Variants in CRYBG1 observed in about 807,000 individuals in gnomAD.
CRYBG1 encodes the protein beta/gamma crystallin domain-containing protein 1.
CRYBG1 carries 139 observed loss-of-function variants against 189.2 expected under a neutral mutation model. That is an observed-to-expected ratio of 0.73 (90% confidence interval 0.64 to 0.85). CRYBG1 has a LOEUF of 0.85. CRYBG1 is among the 40% of genes least tolerant of loss of function. The pLI, the probability that CRYBG1 is intolerant of heterozygous loss-of-function variation, is 0.00. For synonymous variants in CRYBG1, 1,023 were observed against 1,017.1 expected (o/e 1.01, Z -0.11); for missense variants, 2,611 against 2,675.8 (o/e 0.98, Z 0.53).
chr6:106,425,246 C>T (rs905953091), intron 1 of CRYBG1, among the ~76,000 whole-genome samples: 1 of 152,118 alleles, frequency 6.6e-6, no homozygotes, highest in Non-Finnish European at 1.5e-5. Context: ...CTGAGCCACC[C>T]TCTCTCCTTC....
chr6:106,541,767 A>T, intron 10 of CRYBG1, 146 bp downstream of exon 10: 1 of 658,912 alleles, frequency 1.5e-6, no homozygotes. Context: ...GTCACACATA[A>T]ATGCAGCCAA....
At chr6:106,553,955 G>C (rs966039086) in intron 16 of CRYBG1, among the ~76,000 whole-genome samples, 1 of 152,158 alleles carries the variant, frequency 6.6e-6, no homozygotes, top group African/African-American at 2.4e-5. Flanking sequence ...GTGGACACGC[G>C]AATCAGGGAG....
Position 106,512,743 on chromosome 6 carries a change from C to T in CRYBG1, c.1626C>T (p.Pro542=), listed in dbSNP as rs1175029919. Residue 542 remains proline (P), a synonymous_variant, in exon 3 of 22, where the codon CCC becomes CCT. Coordinates refer to ENST00000633556, the MANE Select transcript of CRYBG1 (RefSeq NM_001371242.2). ...GPRAPAKESP[P]KRVPDPSPVT... is the part of the protein sequence containing the mutation. ...GGGCTCCCGCCAAGGAGTCCCCACC[C>T]AAGAGGGTGCCCGATCCCAGCCCAG... The T allele has an allele frequency of 6.4e-7, 1 of 1,570,780 alleles. No homozygotes were observed. The highest frequency in any genetic ancestry group is 8.6e-7 in the Non-Finnish European group (1 of 1,158,488).
chr6:106,514,782 G>A (rs1773380530), intron 3 of CRYBG1, among the ~76,000 whole-genome samples: 1 of 152,202 alleles, frequency 6.6e-6, no homozygotes, highest in Non-Finnish European at 1.5e-5. Context: ...GCTGTTCTCT[G>A]TAATAGAACT....
rs147348525 is a variant in CRYBG1, at chr6:106,491,797, G to T, written c.313-19633G>T. Among the ~76,000 whole-genome samples, 179 of 152,074 alleles carry T rather than the reference G, an allele frequency of 1.2e-3. 2 individuals are homozygous for T. Among genetic ancestry groups the T allele is most frequent in the Non-Finnish European group, 1.4e-3 (96 of 67,994 alleles). ...CTGCTGCAGATCATGTCGCCTCCCC[G>T]CTCAGAAACCTTAAAAGTTTTCATA... On this transcript the variant is annotated intron_variant, in intron 2 of 21. Coordinates refer to ENST00000633556, the MANE Select transcript of CRYBG1 (RefSeq NM_001371242.2).
chr6:106,444,243 C>G (rs1771620197), intron 1 of CRYBG1, among the ~76,000 whole-genome samples: 1 of 152,104 alleles, frequency 6.6e-6, no homozygotes, highest in Non-Finnish European at 1.5e-5. Context: ...AAGGAAAATT[C>G]CAGCAATCAA....
At chr6:106,499,536 T>C (rs1254186179) in intron 2 of CRYBG1, among the ~76,000 whole-genome samples, 3 of 151,834 alleles carry the variant, frequency 2.0e-5, no homozygotes, top group Non-Finnish European at 4.4e-5. Context: ...ATATATGGGG[T>C]ATAATGTGAT....
In CRYBG1 at chr6:106,519,179, T is replaced by C. The variant is rs770137783; in HGVS notation, c.1971T>C (p.Asn657=). 1 of 1,614,092 alleles carries C rather than the reference T, an allele frequency of 6.2e-7. No homozygotes were observed. The highest frequency in any genetic ancestry group is 8.5e-7 in the Non-Finnish European group (1 of 1,180,026). ...HVELNLKTPK[N]LDSLGNEHNP... ...AACTAAATCTTAAAACCCCTAAGAA[T>C]CTTGACAGTTTGGGAAATGAGCACA... The change falls in exon 4 of 22, where the codon AAT becomes AAC. Residue 657 remains asparagine, a synonymous_variant. Transcript: ENST00000633556.
At chr6:106,469,121 C>T (rs34090678) in intron 2 of CRYBG1, among the ~76,000 whole-genome samples, 12,805 of 152,250 alleles carry the variant, frequency 0.084, 702 homozygotes, top group East Asian at 0.22. Flanking sequence ...GCCTCAGCCA[C>T]ATGGGAGCAG....
intron 4 of CRYBG1, among the ~76,000 whole-genome samples, chr6:106,524,456 C>T (rs1440390572): frequency 6.6e-6 from 1 of 152,022 alleles, no homozygotes; most frequent in Non-Finnish European, 1.5e-5. Context: ...GTCCCAGCTA[C>T]TCGGGAGGCT....
At chr6:106,419,855 G>T (rs1033331406) in intron 1 of CRYBG1, among the ~76,000 whole-genome samples, 1 of 152,200 alleles carries the variant, frequency 6.6e-6, no homozygotes, top group Non-Finnish European at 1.5e-5. Context: ...TAACTCTTTT[G>T]AAGTCTCTAT....
At chr6:106,375,652 ACGGTCAGAT>A (rs1412035982) in intron 1 of CRYBG1, among the ~76,000 whole-genome samples, 2 of 152,140 alleles carry the variant, frequency 1.3e-5, no homozygotes, top group African/African-American at 4.8e-5. Context: ...TTGTGTGGAA[ACGGTCAGAT>A]CGGTGAACTT....
intron 2 of CRYBG1, among the ~76,000 whole-genome samples, chr6:106,502,993 C>G (rs1174053551): frequency 6.6e-6 from 1 of 152,310 alleles, no homozygotes; most frequent in East Asian, 1.9e-4. Flanking sequence ...GCTAATGAAG[C>G]CTTCCCATCT....
chr6:106,361,437 G>C (rs1771867416), intron 1 of CRYBG1, among the ~76,000 whole-genome samples: 1 of 152,178 alleles, frequency 6.6e-6, no homozygotes, highest in South Asian at 2.1e-4. Flanking sequence ...ACTCTGCTTT[G>C]GGGTTAGGCA....
rs1208985330 is a variant in CRYBG1 at position 106,519,669 on chromosome 6, G to A, written c.2461G>A (p.Ala821Thr). 12 of 1,614,088 alleles carry A rather than the reference G, an allele frequency of 7.4e-6. No homozygotes were observed. The highest frequency in any genetic ancestry group is 1.0e-5 in the Non-Finnish European group (12 of 1,179,956). Residue 821 changes from alanine to threonine, a missense_variant, in exon 4 of 22, where the codon GCA (alanine) becomes ACA (threonine). Around this residue, in one of 3 missense-constraint regions of CRYBG1, gnomAD observed 1,622 missense variants for 1,735.0 expected, o/e 0.93. Coordinates refer to ENST00000633556, the MANE Select transcript of CRYBG1 (RefSeq NM_001371242.2). ...KLLEKEDSEA[A>T]DSKSLVLENV... is the part of the protein sequence containing the mutation. ...CTTAGAGAAGGAGGACTCAGAGGCT[G>A]CAGACAGCAAAAGCCTTGTACTTGA...
chr6:106,555,070 CAGA>C (rs1774500619), intron 16 of CRYBG1, among the ~76,000 whole-genome samples: 2 of 151,508 alleles, frequency 1.3e-5, no homozygotes, highest in African/African-American at 4.9e-5. Context: ...GAGGATGAGG[CAGA>C]AGAATTGCTT....
At chr6:106,427,089 T>A (rs1042251743) in intron 1 of CRYBG1, among the ~76,000 whole-genome samples, 11 of 152,158 alleles carry the variant, frequency 7.2e-5, no homozygotes, top group African/African-American at 2.4e-4. Context: ...AACTTTGAAA[T>A]GTGGAAGGGC....
At position 106,393,303 on chromosome 6, in the gene CRYBG1, T is replaced by C. The variant is rs375848328; in HGVS notation, c.173+32222T>C. ...ACAGGGGGTCCAGGGAGTATGGCTG[T>C]CGTGCTCTCTATAGCCCATATAATT... On this transcript the variant is annotated intron_variant, in intron 1 of 21. Transcript: ENST00000633556. Among the ~76,000 whole-genome samples the C allele has an allele frequency of 3.9e-5, 6 of 152,302 alleles. No individual in the cohort carries two copies. In the East Asian group the frequency reaches 7.7e-4, roughly 20 times the overall value.
intron 3 of CRYBG1, among the ~76,000 whole-genome samples, chr6:106,515,385 G>A (rs141777483): frequency 3.9e-5 from 6 of 152,294 alleles, no homozygotes; most frequent in Admixed American, 3.3e-4. Flanking sequence ...TCTGATCTTC[G>A]TGTAAATCTT....
Sources: gnomAD v4.1 joint callset for allele counts (sites outside exome capture counted in the v4.1 genomes callset) on GRCh38, gnomAD v4.1.1 for gene constraint, gnomAD v4.1.1 regional missense constraint, MANE v1.5 for transcripts, NCBI Gene and HGNC (gene_info 2026-07-23, HGNC 2026-07-21) for gene names.